The following PCDH15 variants were observed in gnomAD, a reference collection of about 807,000 sequenced individuals.
PCDH15 encodes protocadherin-15.
In PCDH15, 129 loss-of-function variants were observed where a neutral mutation model predicts 178.5. That is an observed-to-expected ratio of 0.72 (90% CI 0.63 to 0.84). The LOEUF (loss-of-function observed/expected upper bound fraction) is 0.84. Among genes scored for constraint, PCDH15 ranks in the 40% least tolerant of loss-of-function variants. PCDH15 has a pLI of 0.00. For missense variants in PCDH15, 2,230 were observed against 2,099.9 expected, an observed-to-expected ratio of 1.06 and a Z score of -1.21; for synonymous variants, 800 against 732.0, an observed-to-expected ratio of 1.09 and a Z score of -1.50.
chr10:55,139,229 TA>T (rs1331573367), intron 2 of PCDH15, among the ~76,000 whole-genome samples: 1 of 152,096 alleles, frequency 6.6e-6, no homozygotes, highest in Non-Finnish European at 1.5e-5. Flanking sequence ...ATGTGTGAGA[TA>T]GGTGATTGAT....
chr10:54,615,516 A>T, intron 2 of PCDH15, among the ~76,000 whole-genome samples: 1 of 152,124 alleles, frequency 6.6e-6, no homozygotes, highest in East Asian at 1.9e-4. Flanking sequence ...GTTTTTTAAA[A>T]GCAATATTAA....
intron 21 of PCDH15, among the ~76,000 whole-genome samples, chr10:53,973,111 AT>A (rs1357049304): frequency 9.2e-5 from 14 of 152,230 alleles, no homozygotes; most frequent in African/African-American, 3.1e-4. Flanking sequence ...CTCTGCAGCC[AT>A]AAAAAAGGAT....
At chr10:54,786,878 C>T (rs1485030588) in intron 1 of PCDH15, among the ~76,000 whole-genome samples, 2 of 151,608 alleles carry the variant, frequency 1.3e-5, no homozygotes, top group Non-Finnish European at 2.9e-5. Flanking sequence ...ATTATTATTA[C>T]AATTGTTCTT....
At chr10:55,032,573 T>A (rs1291908095) in intron 2 of PCDH15, among the ~76,000 whole-genome samples, 9 of 152,038 alleles carry the variant, frequency 5.9e-5, no homozygotes, top group Non-Finnish European at 2.9e-5. Context: ...TGAGTTAAAA[T>A]CAAAAGGAAA....
intron 26 of PCDH15, among the ~76,000 whole-genome samples, chr10:53,885,902 A>C (rs1187762641): frequency 2.0e-5 from 3 of 152,158 alleles, no homozygotes; most frequent in Non-Finnish European, 4.4e-5. Flanking sequence ...TCCTTATTCT[A>C]CTATTAAGAA....
chr10:54,114,142 T>C (rs11004076), intron 15 of PCDH15, among the ~76,000 whole-genome samples: 49,205 of 152,114 alleles, frequency 0.32, 8,990 homozygotes, highest in Non-Finnish European at 0.42. Flanking sequence ...ATATTCTGTC[T>C]GCTTTTTAAA....
intron 18 of PCDH15, among the ~76,000 whole-genome samples, chr10:54,061,578 A>C (rs1171851781): frequency 1.3e-5 from 2 of 152,044 alleles, no homozygotes; most frequent in Admixed American, 1.3e-4. Flanking sequence ...AAAAGAACCA[A>C]GAATAATCTG....
chr10:53,888,711 T>C, intron 26 of PCDH15, among the ~76,000 whole-genome samples: 1 of 56,766 alleles, frequency 1.8e-5, no homozygotes, highest in Non-Finnish European at 4.2e-5. Flanking sequence ...ATATCTCCTG[T>C]GGAAATTGAT....
Position 54,066,847 on chromosome 10 carries a change from G to A in PCDH15, c.2130C>T (p.Val710=). Residue 710 remains valine (V), a synonymous_variant, in exon 18 of 38, where the codon GTC becomes GTT. Transcript: ENST00000644397. The stretch of plus-strand genomic sequence containing the variant: ...GATCAAACACTGGAGCATTGTCATT[G>A]ACATCTGTCACCACTATGTTTACTG... ...TATVNIVVTD[V]NDNAPVFDPY... The A allele has an allele frequency of 6.2e-7, 1 of 1,613,356 alleles. No homozygotes were observed. Among genetic ancestry groups the A allele is most frequent in the Non-Finnish European group, 8.5e-7 (1 of 1,179,538 alleles).
intron 5 of PCDH15, among the ~76,000 whole-genome samples, chr10:54,350,557 G>A (rs1356107261): frequency 2.6e-5 from 4 of 152,138 alleles, no homozygotes; most frequent in Non-Finnish European, 4.4e-5. Flanking sequence ...AGAAATAGCC[G>A]AGAAAAAAGA....
At chr10:54,894,380 T>C (rs1954514192) in intron 3 of PCDH15, among the ~76,000 whole-genome samples, 1 of 152,134 alleles carries the variant, frequency 6.6e-6, no homozygotes, top group African/African-American at 2.4e-5. Flanking sequence ...GAAGAAAGCC[T>C]TAAGTGATAG....
chr10:53,938,736 TTAGACA>T, intron 25 of PCDH15, 73 bp downstream of exon 25: 1 of 1,436,976 alleles, frequency 7.0e-7, no homozygotes, highest in Non-Finnish European at 9.7e-7. Flanking sequence ...GAATGATATT[TTAGACA>T]TAGGTATTTC....
intron 3 of PCDH15, among the ~76,000 whole-genome samples, chr10:54,433,778 A>T (rs9416347): frequency 0.032 from 4,948 of 152,300 alleles, 282 homozygotes; most frequent in African/African-American, 0.11. Context: ...TACATATTAC[A>T]TGCCCGTATC....
chr10:55,358,950 A>G (rs1845148954), intron 2 of PCDH15, among the ~76,000 whole-genome samples: 1 of 152,080 alleles, frequency 6.6e-6, no homozygotes. Context: ...CCAGCGCTTT[A>G]AGAGGCTGAA....
At chr10:55,287,973 A>G (rs1237760782) in intron 1 of PCDH15, among the ~76,000 whole-genome samples, 8 of 151,744 alleles carry the variant, frequency 5.3e-5, no homozygotes, top group Admixed American at 4.6e-4. Context: ...TGGGTCATTT[A>G]TTAATCAAAG....
intron 2 of PCDH15, among the ~76,000 whole-genome samples, chr10:55,575,923 C>A (rs1842489633): frequency 6.6e-6 from 1 of 152,144 alleles, no homozygotes; most frequent in Admixed American, 6.6e-5. Flanking sequence ...TAGTTGTATT[C>A]ACATCTTTAC....
At chr10:54,568,794 A>G (rs2089395273) in intron 2 of PCDH15, 1 of 152,078 alleles carries the variant, frequency 6.6e-6, no homozygotes, top group Non-Finnish European at 1.5e-5. Flanking sequence ...TTCTATTTTA[A>G]ATATATAGAA....
chr10:55,206,103 C>G (rs1026490383), intron 1 of PCDH15, among the ~76,000 whole-genome samples: 17 of 151,970 alleles, frequency 1.1e-4, no homozygotes, highest in African/African-American at 4.1e-4. Context: ...GGTGGGGACA[C>G]AGGGCCAAAC....
intron 3 of PCDH15, among the ~76,000 whole-genome samples, chr10:54,891,756 T>C (rs1016552603): frequency 6.6e-5 from 10 of 152,108 alleles, no homozygotes; most frequent in African/African-American, 2.4e-4. Flanking sequence ...AGCTAATAAG[T>C]GGACCAAAAC....
Sources: gnomAD v4.1 joint callset for allele counts (sites outside exome capture counted in the v4.1 genomes callset) on GRCh38, gnomAD v4.1.1 for gene constraint, MANE v1.5 for transcripts, NCBI Gene and HGNC (gene_info 2026-07-23, HGNC 2026-07-21) for gene names.